Variants in SOX5 observed in about 807,000 individuals in gnomAD.
SOX5 encodes SRY-box transcription factor 5.
In SOX5, 9 loss-of-function variants were observed where a neutral mutation model predicts 92.0. The ratio of observed to expected loss-of-function variants is 0.10; its 90% CI spans 0.06 to 0.17. SOX5 has a LOEUF of 0.17. SOX5 is among the 10% of genes least tolerant of loss of function. SOX5 has a pLI of 1.00. For missense variants in SOX5, 642 were observed against 944.5 expected, an observed-to-expected ratio of 0.68 and a Z score of 4.20; for synonymous variants, 344 against 336.3, an observed-to-expected ratio of 1.02 and a Z score of -0.25.
intron 1 of SOX5, among the ~76,000 whole-genome samples, chr12:24,403,742 T>C (rs1381481581): frequency 1.3e-5 from 2 of 152,194 alleles, no homozygotes; most frequent in African/African-American, 4.8e-5. Flanking sequence ...TAAATATCAT[T>C]AGTGCAGCTT....
intron 3 of SOX5, among the ~76,000 whole-genome samples, chr12:24,216,600 G>A (rs952634910): frequency 1.1e-4 from 17 of 152,032 alleles, no homozygotes; most frequent in African/African-American, 3.9e-4. Context: ...CCAATTATAT[G>A]CTTATGTAAT....
chr12:24,091,385 T>A (rs1944618531), intron 4 of SOX5, among the ~76,000 whole-genome samples: 1 of 150,840 alleles, frequency 6.6e-6, no homozygotes, highest in African/African-American at 2.4e-5. Context: ...ATGGAGAAAA[T>A]AAAAATTAGA....
rs527647441 is a variant in SOX5 at position 24,049,638 on chromosome 12, G to GTTTTTT, written c.-1-153620_-1-153615dup. On this transcript the variant is annotated intron_variant, in intron 4 of 4. Coordinates refer to the SOX5 transcript ENST00000446891. ...TGTTGATATTTTCCAATCCTTCATAGTTTTTTTTTTTTTTTTTTTTTTTTT... is the reference window on the plus strand; with the variant it reads ...TGTTGATATTTTCCAATCCTTCATAGTTTTTTTTTTTTTTTTTTTTTTTTTTTTTTT... 4.5e-3 allele frequency among the ~76,000 whole-genome samples: 335 copies of GTTTTTT among 73,762 alleles called. 22 individuals carry two copies. Among genetic ancestry groups the GTTTTTT allele is most frequent in the Middle Eastern group, 0.03 (3 of 100 alleles). 48.4% of individuals were successfully genotyped at this position (73,762 alleles called of 152,430 possible).
At chr12:23,819,675 A>T (rs2096068308) in intron 3 of SOX5, among the ~76,000 whole-genome samples, 1 of 151,978 alleles carries the variant, frequency 6.6e-6, no homozygotes, top group Non-Finnish European at 1.5e-5. Flanking sequence ...GAGAACATGC[A>T]CTGTTTGGTT....
chr12:23,873,609 C>T (rs16926827), intron 2 of SOX5, among the ~76,000 whole-genome samples: 4,711 of 152,248 alleles, frequency 0.031, 109 homozygotes, highest in Non-Finnish European at 0.046. Context: ...TCTCACCAAC[C>T]GCTCAATTGT....
At chr12:24,490,451 C>CT (rs901934408) in intron 1 of SOX5, among the ~76,000 whole-genome samples, 6 of 152,106 alleles carry the variant, frequency 3.9e-5, no homozygotes, top group Non-Finnish European at 8.8e-5. Context: ...GGCTGTTACT[C>CT]TTTTTTACAA....
intron 4 of SOX5, among the ~76,000 whole-genome samples, chr12:23,990,012 G>A (rs557085224): frequency 6.6e-6 from 1 of 151,962 alleles, no homozygotes; most frequent in Admixed American, 6.6e-5. Context: ...AAGAGATAGT[G>A]CCATTATTAA....
chr12:24,308,562 G>C (rs1948845258), intron 2 of SOX5, among the ~76,000 whole-genome samples: 1 of 152,218 alleles, frequency 6.6e-6, no homozygotes, highest in Non-Finnish European at 1.5e-5. Context: ...CCGCCACTAA[G>C]ATACTTTGTG....
intron 7 of SOX5, among the ~76,000 whole-genome samples, chr12:23,658,495 A>C (rs2082601406): frequency 6.6e-6 from 1 of 152,216 alleles, no homozygotes; most frequent in African/African-American, 2.4e-5. Context: ...AAACATTTAC[A>C]AAGCTTTACA....
chr12:23,946,501 G>A (rs1944614489), intron 1 of SOX5, among the ~76,000 whole-genome samples: 1 of 151,874 alleles, frequency 6.6e-6, no homozygotes, highest in Admixed American at 6.6e-5. Context: ...AACTAATATT[G>A]ACATTTAAGG....
intron 4 of SOX5, among the ~76,000 whole-genome samples, chr12:23,963,889 T>C (rs1229130785): frequency 6.6e-6 from 1 of 152,098 alleles, no homozygotes; most frequent in Admixed American, 6.6e-5. Flanking sequence ...AAACCAGTTA[T>C]TAAACTAGTT....
chr12:24,140,219 G>T (rs537758663), intron 4 of SOX5, among the ~76,000 whole-genome samples: 1 of 152,028 alleles, frequency 6.6e-6, no homozygotes, highest in East Asian at 1.9e-4. Flanking sequence ...TACATACACC[G>T]TCAAAGATAG....
At position 23,684,466 on chromosome 12, in the gene SOX5, T is replaced by A. The variant is rs534726329; in HGVS notation, c.811-18902A>T. The stretch of plus-strand genomic sequence containing the variant: ...ACTTCCTAGTATTGCTTTGCTCACT[T>A]CTCTTTAGGATCTCTCACATATCTG... On this transcript the variant is annotated intron_variant, in intron 6 of 14. Coordinates refer to ENST00000451604, the MANE Select transcript of SOX5 (RefSeq NM_006940.6). 1.2e-3 allele frequency among the ~76,000 whole-genome samples: 188 copies of A among 152,066 alleles called. 1 individual carries two copies. Among genetic ancestry groups the A allele is most frequent in the African/African-American group, 4.4e-3 (183 of 41,518 alleles).
At chr12:24,004,522 G>A (rs1951948609) in intron 4 of SOX5, among the ~76,000 whole-genome samples, 1 of 152,002 alleles carries the variant, frequency 6.6e-6, no homozygotes, top group African/African-American at 2.4e-5. Context: ...AAGATGATCA[G>A]AAACATTACT....
chr12:24,130,111 T>C (rs1222344238), intron 4 of SOX5, among the ~76,000 whole-genome samples: 7 of 151,904 alleles, frequency 4.6e-5, no homozygotes, highest in Admixed American at 1.3e-4. Context: ...AGAATACAAG[T>C]GTGAGAGGGA....
At chr12:23,982,302 G>A (rs568156676) in intron 4 of SOX5, among the ~76,000 whole-genome samples, 7 of 152,280 alleles carry the variant, frequency 4.6e-5, no homozygotes, top group African/African-American at 1.7e-4. Flanking sequence ...TGTGAAACAG[G>A]AAAAACTTAG....
intron 4 of SOX5, among the ~76,000 whole-genome samples, chr12:23,984,585 G>C (rs1569399505): frequency 3.3e-5 from 5 of 152,266 alleles, no homozygotes; most frequent in South Asian, 4.1e-4. Flanking sequence ...TAGTGAAGTA[G>C]TGAAGAGAGA....
At chr12:24,414,784 A>T (rs1288062058) in intron 1 of SOX5, among the ~76,000 whole-genome samples, 1 of 152,226 alleles carries the variant, frequency 6.6e-6, no homozygotes, top group Non-Finnish European at 1.5e-5. Context: ...TTAGGAAAAG[A>T]GAGGAAGCTT....
At chr12:23,900,220 A>G (rs2097216848) in intron 1 of SOX5, among the ~76,000 whole-genome samples, 1 of 152,198 alleles carries the variant, frequency 6.6e-6, no homozygotes, top group Non-Finnish European at 1.5e-5. Flanking sequence ...TACATGAACA[A>G]AATAAGAAAC....
Sources: gnomAD v4.1 joint callset for allele counts (sites outside exome capture counted in the v4.1 genomes callset) on GRCh38, gnomAD v4.1.1 for gene constraint, MANE v1.5 for transcripts, NCBI Gene and HGNC (gene_info 2026-07-23, HGNC 2026-07-21) for gene names.